The following SLC7A2 variants were observed in gnomAD, a reference collection of about 807,000 sequenced individuals.
The protein encoded by SLC7A2 is solute carrier family 7 member 2, also known as cationic amino acid transporter 2.
A neutral mutation model predicts 58.9 loss-of-function variants in SLC7A2; 48 were observed. That is an observed-to-expected ratio of 0.82 (90% CI 0.65 to 1.04). The LOEUF is 1.04. Ranked by LOEUF, SLC7A2 falls within the 50% of genes least tolerant of loss-of-function variation. The pLI is 0.00. For missense variants in SLC7A2, 1,029 were observed against 818.8 expected, an observed-to-expected ratio of 1.26 and a Z score of -3.13; for synonymous variants, 363 against 314.5, an observed-to-expected ratio of 1.15 and a Z score of -1.63.
chr8:17,533,188 T>C (rs923340652), intron 2 of SLC7A2, among the ~76,000 whole-genome samples: 4 of 152,312 alleles, frequency 2.6e-5, no homozygotes, highest in Non-Finnish European at 4.4e-5. Flanking sequence ...CTTGCAAACT[T>C]CTCTGAGCCA....
chr8:17,538,988 C>T lies in SLC7A2; in HGVS notation c.-22-4330C>T, dbSNP rs535101242. The T allele has an allele frequency of 1.7e-5, 23 of 1,385,914 alleles. No homozygotes were observed. In the African/African-American group the frequency reaches 3.1e-4, roughly 19 times the overall value. 85.9% of individuals were successfully genotyped at this position (1,385,914 alleles called of 1,614,324 possible). A position where few individuals can be genotyped will look rare whatever the true frequency, so the allele number is the denominator to read the frequency against. ...ATTAAGTTTGAAATGTCAACCTTTA[C>T]TTAGGGGAGGAAGGGAAAGATTCAT... On this transcript the variant is annotated intron_variant, in intron 2 of 12. Transcript: ENST00000494857.
At chr8:17,505,912 C>T (rs1333189622) in intron 2 of SLC7A2, among the ~76,000 whole-genome samples, 1 of 152,180 alleles carries the variant, frequency 6.6e-6, no homozygotes, top group Non-Finnish European at 1.5e-5. Flanking sequence ...ATAACTAACC[C>T]ATAGCGTTTC....
intron 4 of SLC7A2, among the ~76,000 whole-genome samples, chr8:17,547,851 G>A (rs890727588): frequency 2.7e-5 from 4 of 150,736 alleles, no homozygotes; most frequent in Non-Finnish European, 5.9e-5. Flanking sequence ...GAAAAGCACG[G>A]TTGATCTTTT....
In SLC7A2 at chr8:17,550,307, A is replaced by G. The variant is rs1433655520; in HGVS notation, c.705A>G (p.Pro235=). 3 of 1,613,710 alleles carry G rather than the reference A, an allele frequency of 1.9e-6. No homozygotes were observed. The highest frequency in any genetic ancestry group is 2.2e-5 in the East Asian group (1 of 44,884). Residue 235 remains proline (P), a synonymous_variant, in exon 6 of 13, where the codon CCA becomes CCG. Transcript: ENST00000494857. ...LKNISASARE[P]PSENGTSIYG... ...TGTTTGTTCTCTTTCTTAGAGAGCC[A>G]CCTTCTGAAAACGGAACAAGTATCT...
At chr8:17,544,332 A>G (rs1802062008) in intron 3 of SLC7A2, 119 bp from the exon 4 acceptor site, 2 of 751,234 alleles carry the variant, frequency 2.7e-6, no homozygotes, top group Middle Eastern at 2.4e-4. Flanking sequence ...CAGATACTGT[A>G]TATGTGATTA....
chr8:17,566,364 T>G lies in SLC7A2; in HGVS notation c.*1218T>G, dbSNP rs1451817642. The G allele has an allele frequency of 6.6e-6, 1 of 152,178 alleles. No homozygotes were observed. The highest frequency in any genetic ancestry group is 1.5e-5 in the Non-Finnish European group (1 of 68,026). The allele number at this position is 152,178 out of a possible 1,614,324, so 9.4% of individuals were successfully genotyped here. On this transcript the variant is annotated 3_prime_UTR_variant, in exon 13 of 13. Transcript: ENST00000494857. ...TTCTGATAGGAACGGCCTGTTCCAT[T>G]GTTAAATGGCAAATGGCCCAATTTA... is the stretch of plus-strand genomic sequence containing the variant.
intron 1 of SLC7A2, among the ~76,000 whole-genome samples, chr8:17,502,015 C>T (rs1800180717): frequency 6.6e-6 from 1 of 151,912 alleles, no homozygotes; most frequent in Non-Finnish European, 1.5e-5. Context: ...AAATTCTCTT[C>T]TTTCCTTAAC....
At chr8:17,511,666 C>T (rs975052424) in intron 2 of SLC7A2, among the ~76,000 whole-genome samples, 2 of 152,134 alleles carry the variant, frequency 1.3e-5, no homozygotes, top group African/African-American at 2.4e-5. Context: ...TTTAAAAAAG[C>T]TACTGGCAGA....
intron 2 of SLC7A2, among the ~76,000 whole-genome samples, chr8:17,507,951 TG>T (rs1424860119): frequency 6.6e-6 from 1 of 152,178 alleles, no homozygotes; most frequent in Non-Finnish European, 1.5e-5. Context: ...GTTTATTAAA[TG>T]GCATACTTTT....
chr8:17,551,700 A>G (rs373207927), intron 6 of SLC7A2, 64 bp from the exon 7 acceptor site: 92 of 1,224,526 alleles, frequency 7.5e-5, no homozygotes, highest in East Asian at 7.0e-4. Context: ...ATTTCACACA[A>G]TTTAATTTCT....
chr8:17,550,555 C>T (rs917540127), intron 6 of SLC7A2, 121 bp downstream of exon 6: 8 of 825,248 alleles, frequency 9.7e-6, no homozygotes, highest in Non-Finnish European at 1.3e-5. Context: ...GGCACTAGTT[C>T]CAGGCCCAGC....
intron 8 of SLC7A2, among the ~76,000 whole-genome samples, chr8:17,556,673 A>G (rs1802718807): frequency 6.6e-6 from 1 of 151,802 alleles, no homozygotes; most frequent in Non-Finnish European, 1.5e-5. Context: ...TAGTGGCACG[A>G]TCTTGGCTCG....
chr8:17,548,906 A>G, intron 5 of SLC7A2, 63 bp downstream of exon 5: 1 of 1,362,970 alleles, frequency 7.3e-7, no homozygotes, highest in Non-Finnish European at 1.0e-6. Context: ...AAGTGGGTGT[A>G]TTAGTTCATT....
chr8:17,496,273 G>T (rs1799955788), upstream of SLC7A2, among the ~76,000 whole-genome samples: 1 of 152,172 alleles, frequency 6.6e-6, no homozygotes, highest in Non-Finnish European at 1.5e-5. Flanking sequence ...AGTGAGCCAC[G>T]ATTGTGTCAC....
At chr8:17,560,901 G>A (rs541511067) in intron 10 of SLC7A2, among the ~76,000 whole-genome samples, 4 of 152,136 alleles carry the variant, frequency 2.6e-5, no homozygotes, top group African/African-American at 9.7e-5. Context: ...ATCCTTGTTT[G>A]TTTACCCACA....
Position 17,565,429 on chromosome 8 carries a change from C to T in SLC7A2, c.*283C>T. ...ATGTATCTATGTATATGCTTGGGAA[C>T]ATGAGTGTTACAAGTTAGCTGGTGT... On this transcript the variant is annotated 3_prime_UTR_variant, in exon 13 of 13. Coordinates refer to ENST00000494857, the MANE Select transcript of SLC7A2 (RefSeq NM_001370338.1). 3.4e-6 allele frequency: 1 copy of T among 293,180 alleles called. No individual in the cohort carries two copies. Among genetic ancestry groups the T allele is most frequent in the Non-Finnish European group, 6.4e-6 (1 of 156,994 alleles). The allele number at this position is 293,180 out of a possible 1,614,324, so 18.2% of individuals were successfully genotyped here.
rs1272850551 is a variant in SLC7A2 at position 17,562,118 on chromosome 8, T to C, written c.1671+8T>C. The C allele has an allele frequency of 1.9e-6, 3 of 1,609,918 alleles. No individual in the cohort carries two copies. Among genetic ancestry groups the C allele is most frequent in the Non-Finnish European group, 2.5e-6 (3 of 1,178,312 alleles). On this transcript the variant is annotated splice_region_variant and intron_variant, in intron 11 of 12. Transcript: ENST00000494857. ...CAAAAAGTAGCCTTCATGGTATGTG[T>C]AATGAGGATTAGAGACCCAAAATAC...
chr8:17,551,360 A>G (rs1038939346), intron 6 of SLC7A2, among the ~76,000 whole-genome samples: 4 of 152,198 alleles, frequency 2.6e-5, no homozygotes, highest in African/African-American at 9.7e-5. Context: ...AATCTTTGGG[A>G]CATTGAGGAG....
intron 2 of SLC7A2, among the ~76,000 whole-genome samples, chr8:17,536,196 C>T (rs910290356): frequency 6.6e-6 from 1 of 152,014 alleles, no homozygotes; most frequent in African/African-American, 2.4e-5. Context: ...CTTACATGCT[C>T]CTCATTCCAA....
Sources: allele counts gnomAD v4.1 joint callset (sites outside exome capture counted in the v4.1 genomes callset), GRCh38; gene constraint gnomAD v4.1.1; transcripts MANE v1.5; gene names NCBI Gene and HGNC (gene_info 2026-07-23, HGNC 2026-07-21).